The following JAM2 variants were observed in gnomAD, a reference collection of about 807,000 sequenced individuals.
The protein encoded by JAM2 is junctional adhesion molecule 2, also known as junctional adhesion molecule B.
A neutral mutation model predicts 42.0 loss-of-function variants in JAM2; 17 were observed. That is an observed-to-expected ratio of 0.40 (90% CI 0.28 to 0.61). JAM2 has a LOEUF of 0.61. JAM2 is among the 20% of genes least tolerant of loss of function. The pLI, the probability that JAM2 is intolerant of heterozygous loss-of-function variation, is 0.37. For synonymous variants in JAM2, 118 were observed against 128.6 expected (o/e 0.92, Z 0.56); for missense variants, 319 against 358.3 (o/e 0.89, Z 0.89).
At chr21:25,645,621 C>T (rs995167748) in intron 1 of JAM2, among the ~76,000 whole-genome samples, 2 of 152,170 alleles carry the variant, frequency 1.3e-5, no homozygotes, top group African/African-American at 4.8e-5. Context: ...TACACATACA[C>T]ATATAACCAC....
intron 1 of JAM2, among the ~76,000 whole-genome samples, chr21:25,683,415 T>A (rs1421066650): frequency 6.6e-6 from 1 of 152,152 alleles, no homozygotes; most frequent in African/African-American, 2.4e-5. Context: ...TATATATATA[T>A]ACAAATTTCA....
At chr21:25,644,599 A>G (rs2032548999) in intron 1 of JAM2, among the ~76,000 whole-genome samples, 1 of 152,238 alleles carries the variant, frequency 6.6e-6, no homozygotes, top group Non-Finnish European at 1.5e-5. Flanking sequence ...TATCCATTTC[A>G]AAGTCAGCTG....
chr21:25,702,357 AAT>A (rs2034184763), intron 6 of JAM2, 88 bp downstream of exon 6: 1 of 681,782 alleles, frequency 1.5e-6, no homozygotes, highest in African/African-American at 1.7e-5. Context: ...AGGAGCAGGA[AAT>A]GTCTGAGTGA....
intron 8 of JAM2, chr21:25,710,115 A>T (rs989000025): frequency 6.6e-6 from 1 of 152,218 alleles, no homozygotes; most frequent in African/African-American, 2.4e-5. Context: ...AATGATGATT[A>T]CCCAGACAAG....
At position 25,693,752 on chromosome 21, in the gene JAM2, A is replaced by G. The variant is rs756692238; in HGVS notation, c.242-4A>G. ...CTAACATCAATGTCTTCTTTTTCTAAAAGGTGATTTTAAAAATCGAGCTGA... is the reference window on the plus strand; with the variant it reads ...CTAACATCAATGTCTTCTTTTTCTAGAAGGTGATTTTAAAAATCGAGCTGA... On this transcript the variant is annotated splice_polypyrimidine_tract_variant and splice_region_variant and intron_variant, in intron 3 of 9. Coordinates refer to ENST00000480456, the MANE Select transcript of JAM2 (RefSeq NM_021219.4). 2 of 1,612,068 alleles carry G rather than the reference A, an allele frequency of 1.2e-6. No homozygotes were observed. The highest frequency in any genetic ancestry group is 2.2e-5 in the South Asian group (2 of 91,008).
chr21:25,688,243 G>GGTGTGTGTGTGTGTGTGTGTGTGT (rs147927864), intron 2 of JAM2, among the ~76,000 whole-genome samples: 47 of 149,812 alleles, frequency 3.1e-4, no homozygotes, highest in Admixed American at 1.1e-3. Context: ...CACCAGGAGG[G>GGTGTGTGTGTGTGTGTGTGTGTGT]GTGTGTGTGT....
chr21:25,681,875 C>G (rs1007309192), intron 1 of JAM2, among the ~76,000 whole-genome samples: 17 of 151,904 alleles, frequency 1.1e-4, no homozygotes, highest in Non-Finnish European at 2.5e-4. Flanking sequence ...CCAGCTACTC[C>G]CAAGGCTGAG....
At chr21:25,682,403 T>G (rs1286867841) in intron 1 of JAM2, among the ~76,000 whole-genome samples, 2 of 152,338 alleles carry the variant, frequency 1.3e-5, no homozygotes, top group Non-Finnish European at 2.9e-5. Flanking sequence ...ATATTGAATT[T>G]TACAGCATAA....
intron 1 of JAM2, among the ~76,000 whole-genome samples, chr21:25,665,468 C>T (rs1416477378): frequency 6.6e-6 from 1 of 152,038 alleles, no homozygotes; most frequent in Non-Finnish European, 1.5e-5. Flanking sequence ...TAGGGTTGTC[C>T]AGACAAGTAG....
intron 1 of JAM2, 71 bp from the exon 2 acceptor site, chr21:25,683,810 TTG>T: frequency 9.5e-7 from 1 of 1,057,378 alleles, no homozygotes; most frequent in Non-Finnish European, 1.4e-6. Flanking sequence ...TTCTTGACTA[TTG>T]CATCCCATTC....
chr21:25,670,411 G>A (rs908539315), intron 1 of JAM2, among the ~76,000 whole-genome samples: 2 of 151,926 alleles, frequency 1.3e-5, no homozygotes, highest in Non-Finnish European at 2.9e-5. Flanking sequence ...CTGGAGCCCC[G>A]GGAGATCAAG....
At position 25,709,440 on chromosome 21, in the gene JAM2, C is replaced by A. The variant is rs1012040829; in HGVS notation, c.812C>A (p.Thr271Asn). 2.8e-6 allele frequency: 4 copies of A among 1,434,400 alleles called. No homozygotes were observed. The highest frequency in any genetic ancestry group is 2.8e-5 in the African/African-American group (2 of 71,826). 88.9% of individuals were successfully genotyped at this position (1,434,400 alleles called of 1,614,324 possible). A position where few individuals can be genotyped will look rare whatever the true frequency, so the allele number is the denominator to read the frequency against. ...TATACTTTTTCTTTTGTAGAAGAAA[C>A]CTCCTTCCAGTAAGTATACTTTCCT... ...AQRKGYFSKE[T>N]SFQKSNSSSK... is the part of the protein sequence containing the mutation. Residue 271 changes from threonine (T) to asparagine (N), a missense_variant, in exon 8 of 10, where the codon ACC becomes AAC. Coordinates refer to ENST00000480456, the MANE Select transcript of JAM2 (RefSeq NM_021219.4).
chr21:25,649,515 T>C (rs1421618008), intron 1 of JAM2, among the ~76,000 whole-genome samples: 1 of 152,158 alleles, frequency 6.6e-6, no homozygotes, highest in East Asian at 1.9e-4. Flanking sequence ...ACCGTGTCTC[T>C]CCCACAACAT....
At chr21:25,662,506 T>G (rs993054962) in intron 1 of JAM2, among the ~76,000 whole-genome samples, 1 of 151,998 alleles carries the variant, frequency 6.6e-6, no homozygotes, top group Non-Finnish European at 1.5e-5. Flanking sequence ...CAGGCTAGAG[T>G]GCAGTGACGT....
At chr21:25,671,499 C>G in intron 1 of JAM2, among the ~76,000 whole-genome samples, 1 of 151,774 alleles carries the variant, frequency 6.6e-6, no homozygotes, top group East Asian at 1.9e-4. Context: ...AAAAGATTAT[C>G]TTTTTCTTTA....
chr21:25,643,380 G>C lies in JAM2; in HGVS notation c.67+3492G>C, dbSNP rs1244658407. ...ATCAGTTCCTGATTCCACCTAACCA[G>C]TAGCAGCTGGTCCTCAGATCTGGAC... On this transcript the variant is annotated intron_variant, in intron 1 of 9. Transcript: ENST00000480456. The C allele has an allele frequency of 5.3e-5, 8 of 152,332 alleles. No homozygotes were observed. The East Asian group carries it at 1.5e-3, about 29-fold the overall frequency. 9.4% of individuals were successfully genotyped at this position (152,332 alleles called of 1,614,324 possible). A position where few individuals can be genotyped will look rare whatever the true frequency, so the allele number is the denominator to read the frequency against.
At chr21:25,641,597 T>G (rs1054186354) in intron 1 of JAM2, among the ~76,000 whole-genome samples, 1 of 21,766 alleles carries the variant, frequency 4.6e-5, no homozygotes, top group Non-Finnish European at 1.8e-4. Context: ...ATGTGGGTGT[T>G]TTTTTTTTTA....
chr21:25,659,257 T>TTTTTTTTTTGCC (rs1354097601), intron 1 of JAM2, among the ~76,000 whole-genome samples: 1 of 147,476 alleles, frequency 6.8e-6, no homozygotes, highest in Non-Finnish European at 1.5e-5. Flanking sequence ...TTCTAGCCTT[T>TTTTTTTTTTGCC]TTTTTTTTTT....
At chr21:25,709,341 T>C (rs2034335995) in intron 7 of JAM2, 93 bp from the exon 8 acceptor site, 8 of 708,722 alleles carry the variant, frequency 1.1e-5, no homozygotes, top group Non-Finnish European at 6.9e-6. Flanking sequence ...TTAAAATTAA[T>C]AAAAATAAAT....
Sources: gnomAD v4.1 joint callset for allele counts (sites outside exome capture counted in the v4.1 genomes callset) on GRCh38, gnomAD v4.1.1 for gene constraint, MANE v1.5 for transcripts, NCBI Gene and HGNC (gene_info 2026-07-23, HGNC 2026-07-21) for gene names.